The following GABRP variants were observed in gnomAD, a reference collection of about 807,000 sequenced individuals.
GABRP encodes the protein gamma-aminobutyric acid type A receptor subunit pi.
A neutral mutation model predicts 47.8 loss-of-function variants in GABRP; 52 were observed. The ratio of observed to expected loss-of-function variants is 1.09; its 90% CI spans 0.87 to 1.37. GABRP has a LOEUF of 1.37. Ranked by LOEUF, GABRP falls within the 40% of genes most tolerant of loss-of-function variation. The pLI, the probability that GABRP is intolerant of heterozygous loss-of-function variation, is 0.00. For synonymous variants in GABRP, 221 were observed against 205.8 expected, an observed-to-expected ratio of 1.07 and a Z score of -0.63; for missense variants, 525 against 542.8, an observed-to-expected ratio of 0.97 and a Z score of 0.33.
intron 6 of GABRP, among the ~76,000 whole-genome samples, chr5:170,799,147 G>A (rs1051768769): frequency 8.5e-5 from 13 of 152,102 alleles, no homozygotes; most frequent in Non-Finnish European, 1.5e-5. Flanking sequence ...TCCATGGTGT[G>A]TATGTGCCAC....
chr5:170,806,763 C>T (rs1765748185), intron 7 of GABRP, among the ~76,000 whole-genome samples: 1 of 152,068 alleles, frequency 6.6e-6, no homozygotes, highest in African/African-American at 2.4e-5. Context: ...TTAGTTGAGC[C>T]TAGGTGACAT....
At chr5:170,807,164 T>G (rs934072077) in intron 7 of GABRP, among the ~76,000 whole-genome samples, 1 of 152,032 alleles carries the variant, frequency 6.6e-6, no homozygotes, top group Non-Finnish European at 1.5e-5. Context: ...TCCCAGCTGG[T>G]CTCGAACTCC....
chr5:170,809,500 A>G, intron 8 of GABRP, 68 bp from the exon 9 acceptor site: 1 of 1,502,100 alleles, frequency 6.7e-7, no homozygotes, highest in South Asian at 1.2e-5. Flanking sequence ...AAATGGGGAC[A>G]CTCTGCCAGG....
At chr5:170,787,747 G>A (rs1765164199) in intron 1 of GABRP, among the ~76,000 whole-genome samples, 1 of 152,206 alleles carries the variant, frequency 6.6e-6, no homozygotes, top group Non-Finnish European at 1.5e-5. Context: ...GCCACTGTGA[G>A]GATGGAGTGA....
intron 6 of GABRP, among the ~76,000 whole-genome samples, chr5:170,800,784 A>C (rs1765570485): frequency 6.6e-6 from 1 of 152,140 alleles, no homozygotes; most frequent in African/African-American, 2.4e-5. Context: ...CATCTCTACT[A>C]AAAATACAAA....
intron 9 of GABRP, among the ~76,000 whole-genome samples, chr5:170,811,110 A>G (rs1004895614): frequency 2.3e-4 from 35 of 149,822 alleles, no homozygotes; most frequent in Non-Finnish European, 3.6e-4. Flanking sequence ...AGTTCATCCA[A>G]CAACACAATG....
chr5:170,806,068 C>A lies in GABRP; in HGVS notation c.679+215C>A, dbSNP rs73327149. 6.4e-3 allele frequency among the ~76,000 whole-genome samples: 969 copies of A among 152,312 alleles called. 13 individuals carry two copies. The highest frequency in any genetic ancestry group is 0.022 in the African/African-American group (928 of 41,562). Reference sequence around the variant, plus strand: ...TCTGGACCAGCTCTGAAGCCTTGCACCATGTACCTCCAGATACTTGCTAAT... The same window carrying A: ...TCTGGACCAGCTCTGAAGCCTTGCAACATGTACCTCCAGATACTTGCTAAT... On this transcript the variant is annotated intron_variant, in intron 7 of 9. Coordinates refer to ENST00000265294, the MANE Select transcript of GABRP (RefSeq NM_014211.3).
rs747469135 is a variant in GABRP at position 170,812,208 on chromosome 5, A to AT, written c.1278dup (p.Met427TyrfsTer19). 1.2e-5 allele frequency: 19 copies of AT among 1,613,766 alleles called. No individual in the cohort carries two copies. The South Asian group carries it at 1.5e-4, about 13-fold the overall frequency. ...CTATTCCAAACTACTGTTTCCTTTG[A>AT]TTTTTATGCTAGCCAATGTATTTTA... On this transcript the variant is annotated frameshift_variant, in exon 10 of 10. Coordinates refer to ENST00000265294, the MANE Select transcript of GABRP (RefSeq NM_014211.3). LOFTEE classifies it high-confidence loss of function.
In GABRP at chr5:170,812,406, C is replaced by A. The variant is rs2127268780; in HGVS notation, c.*148C>A. 9 of 655,526 alleles carry A rather than the reference C, an allele frequency of 1.4e-5. 1 individual carries two copies. The South Asian group carries it at 1.7e-4, about 13-fold the overall frequency. 40.6% of individuals were successfully genotyped at this position (655,526 alleles called of 1,614,324 possible). On this transcript the variant is annotated 3_prime_UTR_variant, in exon 10 of 10. Coordinates refer to ENST00000265294, the MANE Select transcript of GABRP (RefSeq NM_014211.3). ...GAGTCTTTCTGCTCAAAGAATGAAG[C>A]TCCAACCATTGTTCTAAGCTGTGTA...
chr5:170,786,705 G>A (rs1000907350), intron 1 of GABRP, among the ~76,000 whole-genome samples: 1 of 152,080 alleles, frequency 6.6e-6, no homozygotes, highest in Non-Finnish European at 1.5e-5. Context: ...TGTAAAATGG[G>A]GAGAATGGTA....
intron 1 of GABRP, 82 bp downstream of exon 1, chr5:170,783,956 G>A (rs2278000): frequency 0.27 from 41,543 of 152,200 alleles, 5,836 homozygotes; most frequent in Non-Finnish European, 0.3. Flanking sequence ...TGGGACCGAG[G>A]GAGGGGGCAG....
intron 3 of GABRP, among the ~76,000 whole-genome samples, chr5:170,791,665 G>A (rs930710011): frequency 1.0e-5 from 1 of 97,760 alleles, no homozygotes; most frequent in Non-Finnish European, 1.9e-5. Flanking sequence ...TGGACAGAAA[G>A]CACAGTGGAG....
chr5:170,796,557 C>A (rs753660944), intron 5 of GABRP, among the ~76,000 whole-genome samples: 1 of 152,186 alleles, frequency 6.6e-6, no homozygotes, highest in Non-Finnish European at 1.5e-5. Context: ...TGACCTTAGG[C>A]AAGTTACTTG....
chr5:170,792,538 C>T (rs1765303582), intron 3 of GABRP, among the ~76,000 whole-genome samples: 1 of 152,106 alleles, frequency 6.6e-6, no homozygotes. Context: ...TGTTAGGTGG[C>T]CTGAGTGGAA....
At chr5:170,808,825 T>C in intron 8 of GABRP, 73 bp downstream of exon 8, 1 of 1,333,290 alleles carries the variant, frequency 7.5e-7, no homozygotes, top group Non-Finnish European at 1.1e-6. Flanking sequence ...TTTACCATTG[T>C]CTTCATTGAT....
At chr5:170,796,878 T>C (rs1765443554) in intron 5 of GABRP, among the ~76,000 whole-genome samples, 2 of 152,198 alleles carry the variant, frequency 1.3e-5, no homozygotes, top group Admixed American at 6.5e-5. Context: ...GCCTGGTGAA[T>C]GCAATCTCCA....
chr5:170,789,712 C>G (rs1013210077), intron 3 of GABRP, among the ~76,000 whole-genome samples: 1 of 152,098 alleles, frequency 6.6e-6, no homozygotes, highest in African/African-American at 2.4e-5. Flanking sequence ...ACACTAGGCC[C>G]TTCCCAGCCC....
Position 170,805,840 on chromosome 5 carries a change from G to T in GABRP, c.666G>T (p.Ser222=), listed in dbSNP as rs763917484. The T allele has an allele frequency of 1.9e-6, 3 of 1,614,018 alleles. No homozygotes were observed. The highest frequency in any genetic ancestry group is 2.5e-6 in the Non-Finnish European group (3 of 1,179,938). The change falls in exon 7 of 10, where the codon TCG becomes TCT. Residue 222 remains serine, a synonymous_variant. Coordinates refer to ENST00000265294, the MANE Select transcript of GABRP (RefSeq NM_014211.3). Reference sequence around the variant, plus strand: ...GGTATTTCACCTTAGTCACCAGATCGCAGCAGGAGACAGGTAACTCATGTG... The same window carrying T: ...GGTATTTCACCTTAGTCACCAGATCTCAGCAGGAGACAGGTAACTCATGTG... ...IERYFTLVTR[S]QQETGNYTRL...
intron 6 of GABRP, among the ~76,000 whole-genome samples, chr5:170,801,801 G>A (rs1298320021): frequency 6.6e-6 from 1 of 151,842 alleles, no homozygotes; most frequent in Non-Finnish European, 1.5e-5. Flanking sequence ...GTCTAATAGA[G>A]GGTGCAGGAC....
Sources: gnomAD v4.1 joint callset for allele counts (sites outside exome capture counted in the v4.1 genomes callset) on GRCh38, gnomAD v4.1.1 for gene constraint, MANE v1.5 for transcripts, NCBI Gene and HGNC (gene_info 2026-07-23, HGNC 2026-07-21) for gene names.